MAP2K6: variants seen among roughly 807,000 people sequenced by gnomAD.
MAP2K6 encodes mitogen-activated protein kinase kinase 6, also known as dual specificity mitogen-activated protein kinase kinase 6.
Under a neutral mutation model 53.7 loss-of-function variants are expected in MAP2K6, and 16 were observed. The observed-to-expected ratio is 0.30, with a 90% confidence interval of 0.20 to 0.45. MAP2K6 has a LOEUF of 0.45. Among genes scored for constraint, MAP2K6 ranks in the 20% least tolerant of loss-of-function variants. MAP2K6 has a pLI of 1.00. For synonymous variants in MAP2K6, 132 were observed against 143.1 expected (o/e 0.92, Z 0.55); for missense variants, 204 against 411.9 (o/e 0.50, Z 4.37).
At chr17:69,449,385 T>C (rs1474200055) in intron 1 of MAP2K6, among the ~76,000 whole-genome samples, 5 of 151,782 alleles carry the variant, frequency 3.3e-5, no homozygotes. Flanking sequence ...GAGTTTACTG[T>C]TATTTTTCTT....
chr17:69,466,545 G>A (rs1273605730), intron 1 of MAP2K6, among the ~76,000 whole-genome samples: 1 of 152,142 alleles, frequency 6.6e-6, no homozygotes, highest in Non-Finnish European at 1.5e-5. Flanking sequence ...TGTTTCTCAA[G>A]CCATCGGCAC....
intron 1 of MAP2K6, among the ~76,000 whole-genome samples, chr17:69,423,333 A>G: frequency 6.6e-6 from 1 of 152,362 alleles, no homozygotes; most frequent in East Asian, 1.9e-4. Context: ...TTATTGGAAC[A>G]CAGCTATGGT....
At chr17:69,453,802 A>G (rs373228260) in intron 1 of MAP2K6, among the ~76,000 whole-genome samples, 12 of 152,318 alleles carry the variant, frequency 7.9e-5, no homozygotes, top group African/African-American at 2.9e-4. Flanking sequence ...TACCTGGGAA[A>G]CTTTTAGACA....
chr17:69,490,472 C>T (rs1908697792), intron 1 of MAP2K6, among the ~76,000 whole-genome samples: 1 of 151,986 alleles, frequency 6.6e-6, no homozygotes, highest in Admixed American at 6.6e-5. Context: ...GTTAAGAAGG[C>T]AAGAGAGTGA....
In MAP2K6 at chr17:69,549,113, C is replaced by T. The variant is rs1911995082; in HGVS notation, c.*7360C>T. On this transcript the variant is annotated 3_prime_UTR_variant, in exon 12 of 12. Coordinates refer to ENST00000590474, the MANE Select transcript of MAP2K6 (RefSeq NM_002758.4). ...ACTTGTATTATCATTTGAACTTGGA[C>T]ATTGAGCCCTTTATTTTTGGGAGTT... The T allele has an allele frequency of 6.6e-6, 1 of 152,170 alleles. No homozygotes were observed. The highest frequency in any genetic ancestry group is 6.5e-5 in the Admixed American group (1 of 15,276). 9.4% of individuals were successfully genotyped at this position (152,170 alleles called of 1,614,324 possible).
chr17:69,428,931 A>AACACACACACACACAC (rs140138538), intron 1 of MAP2K6, among the ~76,000 whole-genome samples: 1 of 137,264 alleles, frequency 7.3e-6, no homozygotes, highest in Non-Finnish European at 1.5e-5. Context: ...TAAATTAGAG[A>AACACACACACACACAC]ACACACACAC....
chr17:69,536,931 A>G (rs150069313), intron 11 of MAP2K6, among the ~76,000 whole-genome samples: 1,991 of 150,906 alleles, frequency 0.013, 50 homozygotes, highest in African/African-American at 0.046. Context: ...AAGTACAAAA[A>G]ATTAGCCGGG....
intron 10 of MAP2K6, among the ~76,000 whole-genome samples, chr17:69,534,142 C>A (rs1304148621): frequency 6.6e-6 from 1 of 152,144 alleles, no homozygotes; most frequent in Non-Finnish European, 1.5e-5. Flanking sequence ...GATGTAACAA[C>A]CAAAAATGCC....
At chr17:69,428,225 C>T (rs890301913) in intron 1 of MAP2K6, among the ~76,000 whole-genome samples, 2 of 152,194 alleles carry the variant, frequency 1.3e-5, no homozygotes, top group Non-Finnish European at 2.9e-5. Context: ...TTAATTGTCT[C>T]GCAGTTCTGG....
chr17:69,536,173 A>G lies in MAP2K6; in HGVS notation c.927+13A>G. The G allele has an allele frequency of 6.2e-7, 1 of 1,607,062 alleles. No individual in the cohort carries two copies. The highest frequency in any genetic ancestry group is 1.1e-5 in the South Asian group (1 of 90,506). On this transcript the variant is annotated intron_variant, in intron 11 of 11. Coordinates refer to ENST00000590474, the MANE Select transcript of MAP2K6 (RefSeq NM_002758.4). ...CCCAGAGCTAATGGTGAGTATTGTT[A>G]GCAACGTAAACATGACTATACTGAT...
At chr17:69,482,367 T>C (rs763647420) in intron 1 of MAP2K6, among the ~76,000 whole-genome samples, 1 of 152,096 alleles carries the variant, frequency 6.6e-6, no homozygotes, top group Non-Finnish European at 1.5e-5. Flanking sequence ...ATTGCAAAAG[T>C]TTATAAAGGT....
At chr17:69,443,922 T>C (rs1906895072) in intron 1 of MAP2K6, among the ~76,000 whole-genome samples, 1 of 152,188 alleles carries the variant, frequency 6.6e-6, no homozygotes, top group African/African-American at 2.4e-5. Context: ...CATAAACATG[T>C]CCTGTGTGGG....
At chr17:69,460,198 C>CAT (rs1907574760) in intron 1 of MAP2K6, among the ~76,000 whole-genome samples, 1 of 152,144 alleles carries the variant, frequency 6.6e-6, no homozygotes, top group African/African-American at 2.4e-5. Context: ...ATCAAATAAA[C>CAT]ATAACAGATT....
At chr17:69,440,500 A>C (rs558324474) in intron 1 of MAP2K6, among the ~76,000 whole-genome samples, 40 of 152,224 alleles carry the variant, frequency 2.6e-4, no homozygotes, top group African/African-American at 9.2e-4. Flanking sequence ...TCTGCATCTC[A>C]TAGTGTGATA....
intron 1 of MAP2K6, among the ~76,000 whole-genome samples, chr17:69,471,646 C>T (rs1300745702): frequency 3.9e-5 from 6 of 151,996 alleles, no homozygotes; most frequent in East Asian, 1.9e-4. Context: ...CAAACTAGCA[C>T]GTGTACCCTT....
At position 69,477,735 on chromosome 17, in the gene MAP2K6, G is replaced by A. The variant is rs76533616; in HGVS notation, c.17-28045G>A. The stretch of plus-strand genomic sequence containing the variant: ...TGACTATTCTAAAGTTCAGTTTCTC[G>A]TCTGCACAATGAGGATATCAACTCG... On this transcript the variant is annotated intron_variant, in intron 1 of 11. Coordinates refer to ENST00000590474, the MANE Select transcript of MAP2K6 (RefSeq NM_002758.4). Among the ~76,000 whole-genome samples, 401 of 152,222 alleles carry A rather than the reference G, an allele frequency of 2.6e-3. 2 individuals are homozygous for A. Among genetic ancestry groups the A allele is most frequent in the African/African-American group, 8.2e-3 (342 of 41,526 alleles).
chr17:69,428,723 CTG>C lies in MAP2K6; in HGVS notation c.16+13725_16+13726del, dbSNP rs1293972446. Among the ~76,000 whole-genome samples, 4 of 152,042 alleles carry C rather than the reference CTG, an allele frequency of 2.6e-5. No individual in the cohort carries two copies. The East Asian group carries it at 7.7e-4, about 29-fold the overall frequency. On this transcript the variant is annotated intron_variant, in intron 1 of 11. Coordinates refer to ENST00000590474, the MANE Select transcript of MAP2K6 (RefSeq NM_002758.4). ...AACTCAGCCTGGGAAGATCAGGAGT[CTG>C]TTGGTAGAGGAAGGACCTTAAGTTG...
intron 1 of MAP2K6, among the ~76,000 whole-genome samples, chr17:69,422,733 C>T (rs1454523370): frequency 2.6e-5 from 4 of 152,136 alleles, no homozygotes; most frequent in Admixed American, 6.5e-5. Context: ...CCTTAATTTA[C>T]GAGTGAGGAA....
intron 1 of MAP2K6, among the ~76,000 whole-genome samples, chr17:69,485,666 C>G (rs916077469): frequency 6.6e-6 from 1 of 152,074 alleles, no homozygotes; most frequent in Non-Finnish European, 1.5e-5. Context: ...GTTTGTCACC[C>G]GCTTTTGCCC....
Sources: allele counts gnomAD v4.1 joint callset (sites outside exome capture counted in the v4.1 genomes callset), GRCh38; gene constraint gnomAD v4.1.1; transcripts MANE v1.5; gene names NCBI Gene and HGNC (gene_info 2026-07-23, HGNC 2026-07-21).